TM2D1: variants seen among roughly 807,000 people sequenced by gnomAD.
The protein encoded by TM2D1 is TM2 domain containing 1.
Under a neutral mutation model 28.4 loss-of-function variants are expected in TM2D1, and 15 were observed. The observed-to-expected ratio is 0.53, with a 90% CI of 0.35 to 0.81. The LOEUF is 0.81. Ranked by LOEUF, TM2D1 falls within the 40% of genes least tolerant of loss-of-function variation. The pLI is 0.01. For synonymous variants in TM2D1, 93 were observed against 96.2 expected, an observed-to-expected ratio of 0.97 and a Z score of 0.20; for missense variants, 236 against 254.9, an observed-to-expected ratio of 0.93 and a Z score of 0.50.
In TM2D1 at chr1:61,683,416, C is replaced by A; in HGVS notation, c.*19+1G>T. The A allele has an allele frequency of 1.0e-6, 1 of 960,586 alleles. No individual in the cohort carries two copies. The allele number at this position is 960,586 out of a possible 1,614,324, so 59.5% of individuals were successfully genotyped here. On this transcript the variant is annotated splice_donor_variant, in intron 6 of 6. Transcript: ENST00000606498. LOFTEE classifies it low-confidence loss of function (3UTR_SPLICE). ...ATTACATATATATATATATCACTTA[C>A]TGTTTCTTTTAAAAAATATTTATGG...
chr1:61,694,580 T>C (rs1644350918), intron 5 of TM2D1, 117 bp downstream of exon 5: 3 of 620,112 alleles, frequency 4.8e-6, no homozygotes, highest in Admixed American at 3.7e-5. Flanking sequence ...TGAAGAAAAA[T>C]GGAAACAACC....
rs910041319 is a variant in TM2D1, at chr1:61,681,114, T to G, written c.*256A>C. The G allele has an allele frequency of 6.6e-6, 1 of 152,402 alleles. No homozygotes were observed. The highest frequency in any genetic ancestry group is 2.5e-5 in the African/African-American group (1 of 40,172). The allele number at this position is 152,402 out of a possible 1,614,324, so 9.4% of individuals were successfully genotyped here. A position where few individuals can be genotyped will look rare whatever the true frequency, so the allele number is the denominator to read the frequency against. ...AGTGGCAACTTGCCTTTGTAAAAGA[T>G]TAAAGAGTATCAGAGTAATAAGCTA... is the stretch of plus-strand genomic sequence containing the variant. On this transcript the variant is annotated 3_prime_UTR_variant, in exon 7 of 7. Coordinates refer to ENST00000606498, the MANE Select transcript of TM2D1 (RefSeq NM_032027.3).
chr1:61,716,017 G>A (rs1362567482), intron 2 of TM2D1, among the ~76,000 whole-genome samples: 1 of 151,642 alleles, frequency 6.6e-6, no homozygotes, highest in Non-Finnish European at 1.5e-5. Context: ...ATGTTAGCCA[G>A]GATGGTCTCG....
chr1:61,708,343 C>G (rs1460162905), intron 3 of TM2D1, among the ~76,000 whole-genome samples: 2 of 152,200 alleles, frequency 1.3e-5, no homozygotes, highest in Non-Finnish European at 2.9e-5. Context: ...AGCCACCACT[C>G]TAGGCCTAAA....
At chr1:61,713,200 G>A (rs984626313) in intron 2 of TM2D1, among the ~76,000 whole-genome samples, 2 of 151,612 alleles carry the variant, frequency 1.3e-5, no homozygotes, top group East Asian at 1.9e-4. Context: ...AATCTAGGCC[G>A]GGTGCAGCGG....
intron 5 of TM2D1, among the ~76,000 whole-genome samples, chr1:61,684,935 G>A (rs890437358): frequency 3.9e-5 from 6 of 152,030 alleles, no homozygotes; most frequent in African/African-American, 1.4e-4. Flanking sequence ...GCGCCATCAC[G>A]CCCAGCTAAT....
At chr1:61,722,557 C>CG (rs1198826575) in intron 2 of TM2D1, among the ~76,000 whole-genome samples, 1 of 152,020 alleles carries the variant, frequency 6.6e-6, no homozygotes, top group Non-Finnish European at 1.5e-5. Flanking sequence ...TTAGTAGAGA[C>CG]GGGGTTTCAC....
intron 2 of TM2D1, among the ~76,000 whole-genome samples, chr1:61,715,883 G>A (rs1328440029): frequency 6.7e-6 from 1 of 150,332 alleles, no homozygotes; most frequent in Non-Finnish European, 1.5e-5. Flanking sequence ...CTCACTGCAA[G>A]CTCCACCTCC....
chr1:61,703,356 T>C (rs1343857162), intron 3 of TM2D1, among the ~76,000 whole-genome samples: 1 of 147,518 alleles, frequency 6.8e-6, no homozygotes, highest in African/African-American at 2.5e-5. Flanking sequence ...ATATGACATA[T>C]TACTATATAT....
intron 2 of TM2D1, among the ~76,000 whole-genome samples, chr1:61,722,936 G>C (rs1233663995): frequency 6.6e-6 from 1 of 152,130 alleles, no homozygotes; most frequent in Non-Finnish European, 1.5e-5. Flanking sequence ...AATAAAAAAA[G>C]TATTTTTCTC....
chr1:61,710,425 CA>C (rs1171048869), intron 2 of TM2D1, among the ~76,000 whole-genome samples: 2,588 of 58,228 alleles, frequency 0.044, 93 homozygotes, highest in African/African-American at 0.16. Flanking sequence ...GACCCTGTCC[CA>C]AAAAAAAAAA....
intron 2 of TM2D1, among the ~76,000 whole-genome samples, chr1:61,716,877 A>G (rs1024780512): frequency 6.6e-6 from 1 of 152,122 alleles, no homozygotes; most frequent in Non-Finnish European, 1.5e-5. Flanking sequence ...CACAAACAGG[A>G]AAACTGAGGT....
intron 2 of TM2D1, among the ~76,000 whole-genome samples, chr1:61,716,070 G>T (rs542715253): frequency 7.2e-5 from 11 of 151,930 alleles, no homozygotes; most frequent in South Asian, 2.1e-4. Flanking sequence ...CTCCCAAAGT[G>T]CTGGGATTAC....
chr1:61,693,794 C>A (rs1357012805), intron 5 of TM2D1, among the ~76,000 whole-genome samples: 2 of 152,172 alleles, frequency 1.3e-5, no homozygotes, highest in African/African-American at 4.8e-5. Flanking sequence ...ACAGATGATG[C>A]TCTAAATGCA....
intron 2 of TM2D1, among the ~76,000 whole-genome samples, chr1:61,722,231 A>C (rs949778561): frequency 6.6e-6 from 1 of 152,258 alleles, no homozygotes; most frequent in Admixed American, 6.6e-5. Context: ...GGTTGCAGTG[A>C]ACTGAGATGG....
chr1:61,702,658 A>T (rs1372189191), intron 3 of TM2D1, among the ~76,000 whole-genome samples: 1 of 151,400 alleles, frequency 6.6e-6, no homozygotes, highest in African/African-American at 2.4e-5. Context: ...ATGAGCCACC[A>T]TGCCTGGTCC....
At chr1:61,701,148 C>A in intron 3 of TM2D1, 123 bp from the exon 4 acceptor site, 1 of 687,882 alleles carries the variant, frequency 1.5e-6, no homozygotes, top group Non-Finnish European at 2.5e-6. Flanking sequence ...TAGATGCCTC[C>A]TGTGTGTCAG....
chr1:61,722,176 CT>C (rs559302144), intron 2 of TM2D1, among the ~76,000 whole-genome samples: 215 of 152,104 alleles, frequency 1.4e-3, no homozygotes, highest in African/African-American at 4.8e-3. Context: ...GTCCCAGCTA[CT>C]CCAGAGGCCG....
At chr1:61,682,171 A>G (rs1644249103) in intron 6 of TM2D1, among the ~76,000 whole-genome samples, 1 of 152,212 alleles carries the variant, frequency 6.6e-6, no homozygotes, top group Non-Finnish European at 1.5e-5. Flanking sequence ...CTGTTCTACA[A>G]GACAGAAAAC....
Sources: gnomAD v4.1 joint callset for allele counts (sites outside exome capture counted in the v4.1 genomes callset) on GRCh38, gnomAD v4.1.1 for gene constraint, MANE v1.5 for transcripts, NCBI Gene and HGNC (gene_info 2026-07-23, HGNC 2026-07-21) for gene names.